Variants in PPHLN1 observed in about 807,000 individuals in gnomAD.
PPHLN1 encodes the protein periphilin-1.
PPHLN1 carries 29 observed loss-of-function variants against 51.3 expected under a neutral mutation model. The observed-to-expected ratio is 0.57, with a 90% CI of 0.42 to 0.77. The LOEUF is 0.77. PPHLN1 is among the 30% of genes least tolerant of loss of function. The probability of loss-of-function intolerance (pLI) is 0.00; values close to 1 mark genes in which losing one functional copy is unlikely to be tolerated. For synonymous variants in PPHLN1, 147 were observed against 147.8 expected, an observed-to-expected ratio of 0.99 and a Z score of 0.04; for missense variants, 436 against 438.4, an observed-to-expected ratio of 0.99 and a Z score of 0.05.
chr12:42,369,225 A>G (rs1355613122), intron 4 of PPHLN1, among the ~76,000 whole-genome samples: 1 of 152,204 alleles, frequency 6.6e-6, no homozygotes, highest in Non-Finnish European at 1.5e-5. Flanking sequence ...ATTTTTGCCT[A>G]CTTTACTTCA....
rs1453586213 is a variant in PPHLN1 at position 42,392,112 on chromosome 12, A to T, written c.649-1458A>T. 2.6e-5 allele frequency among the ~76,000 whole-genome samples: 4 copies of T among 152,136 alleles called. No individual in the cohort carries two copies. The East Asian group carries it at 7.7e-4, about 29-fold the overall frequency. ...GCATTTGTACTGTTAGCTACTCGGGAGGCTGAGGTTGGGGAATCGCTTGAA... is the reference window on the plus strand; with the variant it reads ...GCATTTGTACTGTTAGCTACTCGGGTGGCTGAGGTTGGGGAATCGCTTGAA... On this transcript the variant is annotated intron_variant, in intron 7 of 9. Coordinates refer to ENST00000358314, the MANE Select transcript of PPHLN1 (RefSeq NM_201439.2).
chr12:42,396,615 CAAAAAAAAAAAAAAAAA>C (rs60131845), intron 8 of PPHLN1, among the ~76,000 whole-genome samples: 8 of 85,496 alleles, frequency 9.4e-5, no homozygotes, highest in African/African-American at 4.0e-4. Context: ...CTTGTCACTA[CAAAAAAAAAAAAAAAAA>C]AAAAAAAAAA....
At chr12:42,377,737 G>T (rs1649508326) in intron 5 of PPHLN1, among the ~76,000 whole-genome samples, 1 of 152,198 alleles carries the variant, frequency 6.6e-6, no homozygotes, top group Admixed American at 6.5e-5. Flanking sequence ...GAAGCTTGAG[G>T]TTCTTACTTG....
chr12:42,383,101 A>G (rs886699689), intron 5 of PPHLN1, among the ~76,000 whole-genome samples: 9 of 152,228 alleles, frequency 5.9e-5, no homozygotes, highest in African/African-American at 2.2e-4. Context: ...AAGCCTACCT[A>G]AGACAATACT....
chr12:42,339,168 G>A lies in PPHLN1; in HGVS notation c.72+3194G>A, dbSNP rs74500688. ...CCTTACTTCCTTAAGTTAACTGGCT[G>A]CTTGGTTCCTCATGGAGGAGCCTAG... On this transcript the variant is annotated intron_variant, in intron 2 of 9. Transcript: ENST00000358314. 9.2e-3 allele frequency among the ~76,000 whole-genome samples: 1,404 copies of A among 152,296 alleles called. 27 individuals carry two copies. Among genetic ancestry groups the A allele is most frequent in the African/African-American group, 0.032 (1,329 of 41,552 alleles).
intron 1 of PPHLN1, among the ~76,000 whole-genome samples, chr12:42,335,219 C>A (rs766719890): frequency 2.6e-5 from 4 of 152,000 alleles, no homozygotes; most frequent in Non-Finnish European, 5.9e-5. Flanking sequence ...CGTCCCACCC[C>A]CCCCTTCTCT....
chr12:42,445,320 GC>G (rs1352953245), downstream of PPHLN1: 4 of 563,670 alleles, frequency 7.1e-6, no homozygotes, highest in Non-Finnish European at 6.3e-6. Flanking sequence ...CCAGAGACTA[GC>G]TAAACAAATT....
chr12:42,418,086 C>T lies in PPHLN1; in HGVS notation c.909+19092C>T, dbSNP rs530071505. ...TCCTACGTAGCTGGGACTACAGGCCCCTGCCACCAAGCCCAGCTAATTTTT... is the reference window on the plus strand; with the variant it reads ...TCCTACGTAGCTGGGACTACAGGCCTCTGCCACCAAGCCCAGCTAATTTTT... On this transcript the variant is annotated intron_variant, in intron 9 of 9. Transcript: ENST00000358314. Among the ~76,000 whole-genome samples the T allele has an allele frequency of 3.2e-4, 49 of 150,952 alleles. No homozygotes were observed. The South Asian group carries it at 8.1e-3, about 25-fold the overall frequency.
intron 4 of PPHLN1, chr12:42,355,556 G>A (rs1031060749): frequency 4.8e-5 from 8 of 166,100 alleles, no homozygotes; most frequent in African/African-American, 1.7e-4. Context: ...GGCCAACATG[G>A]TGGAACCCTG....
At chr12:42,401,391 T>G (rs1417829591) in intron 9 of PPHLN1, among the ~76,000 whole-genome samples, 1 of 152,126 alleles carries the variant, frequency 6.6e-6, no homozygotes, top group African/African-American at 2.4e-5. Flanking sequence ...AATGCTGTTT[T>G]ATGAAAATGT....
At chr12:42,356,649 G>GA (rs1166255574) in intron 4 of PPHLN1, among the ~76,000 whole-genome samples, 4 of 152,014 alleles carry the variant, frequency 2.6e-5, no homozygotes, top group Non-Finnish European at 5.9e-5. Context: ...AATAGATGCC[G>GA]AAAAAAATGC....
chr12:42,445,068 A>T, downstream of PPHLN1: 1 of 702,366 alleles, frequency 1.4e-6, no homozygotes. Flanking sequence ...AGCCCTCATT[A>T]AGTCTACTCT....
intron 4 of PPHLN1, among the ~76,000 whole-genome samples, chr12:42,360,013 C>T (rs112753885): frequency 0.01 from 1,566 of 150,386 alleles, 26 homozygotes; most frequent in African/African-American, 0.037. Flanking sequence ...GAGGCTGAAG[C>T]AGGAGAATCA....
intron 9 of PPHLN1, among the ~76,000 whole-genome samples, chr12:42,417,585 C>T (rs1444364475): frequency 2.0e-5 from 3 of 152,014 alleles, no homozygotes; most frequent in African/African-American, 7.3e-5. Flanking sequence ...CAATTCACAG[C>T]CTCCTTTAAG....
intron 9 of PPHLN1, among the ~76,000 whole-genome samples, chr12:42,419,548 T>C (rs917977137): frequency 2.0e-5 from 3 of 152,206 alleles, no homozygotes; most frequent in Non-Finnish European, 4.4e-5. Flanking sequence ...TACTTTTCTA[T>C]ATAGTAGTTG....
At chr12:42,397,322 T>G (rs1722974293) in intron 8 of PPHLN1, among the ~76,000 whole-genome samples, 2 of 152,238 alleles carry the variant, frequency 1.3e-5, no homozygotes, top group African/African-American at 4.8e-5. Context: ...ATTGATGACC[T>G]TAATTTTTTT....
intron 8 of PPHLN1, among the ~76,000 whole-genome samples, chr12:42,396,916 T>C (rs1040853923): frequency 1.3e-5 from 2 of 151,438 alleles, no homozygotes; most frequent in African/African-American, 4.9e-5. Context: ...GGCATGTGCC[T>C]GTAGTTCTAG....
At chr12:42,334,053 A>G (rs193058634) in intron 1 of PPHLN1, among the ~76,000 whole-genome samples, 9 of 152,146 alleles carry the variant, frequency 5.9e-5, no homozygotes, top group South Asian at 2.1e-4. Flanking sequence ...TGCTGTTACT[A>G]TTTCTCTGTA....
intron 7 of PPHLN1, 37 bp downstream of exon 7, chr12:42,387,572 T>A (rs1307412371): frequency 1.2e-6 from 2 of 1,603,474 alleles, no homozygotes; most frequent in African/African-American, 2.7e-5. Context: ...AAAGAAGAAT[T>A]ACAAATTGAG....
Sources: allele counts gnomAD v4.1 joint callset (sites outside exome capture counted in the v4.1 genomes callset), GRCh38; gene constraint gnomAD v4.1.1; transcripts MANE v1.5; gene names NCBI Gene and HGNC (gene_info 2026-07-23, HGNC 2026-07-21).